The following TOX variants were observed in gnomAD, a reference collection of about 807,000 sequenced individuals.
The protein encoded by TOX is thymocyte selection associated high mobility group box, also known as thymocyte selection-associated high mobility group box protein TOX.
TOX carries 11 observed loss-of-function variants against 53.7 expected under a neutral mutation model. The ratio of observed to expected loss-of-function variants is 0.20; its 90% CI spans 0.13 to 0.34. TOX has a LOEUF of 0.34. TOX is among the 10% of genes least tolerant of loss of function. The pLI, the probability that TOX is intolerant of heterozygous loss-of-function variation, is 1.00. For synonymous variants in TOX, 225 were observed against 245.3 expected (o/e 0.92, Z 0.77); for missense variants, 570 against 664.6 (o/e 0.86, Z 1.56).
At chr8:58,951,904 C>T (rs1453215709) in intron 2 of TOX, among the ~76,000 whole-genome samples, 1 of 152,144 alleles carries the variant, frequency 6.6e-6, no homozygotes, top group African/African-American at 2.4e-5. Context: ...AATTTCAAAT[C>T]ATTAGGGTTA....
Position 58,891,815 on chromosome 8 carries a change from T to C in TOX, c.412-40010A>G, listed in dbSNP as rs567767242. 2.6e-5 allele frequency among the ~76,000 whole-genome samples: 4 copies of C among 152,332 alleles called. No homozygotes were observed. The East Asian group carries it at 5.8e-4, about 22-fold the overall frequency. ...CATGTGAGATTCATCCTAGATGCAGTGTAGCTGTTTCTGCTTTAGCACTCT... is the reference window on the plus strand; with the variant it reads ...CATGTGAGATTCATCCTAGATGCAGCGTAGCTGTTTCTGCTTTAGCACTCT... On this transcript the variant is annotated intron_variant, in intron 3 of 8. Coordinates refer to ENST00000361421, the MANE Select transcript of TOX (RefSeq NM_014729.3).
intron 7 of TOX, among the ~76,000 whole-genome samples, chr8:58,812,744 C>A (rs1249151001): frequency 6.6e-6 from 1 of 152,172 alleles, no homozygotes; most frequent in Non-Finnish European, 1.5e-5. Flanking sequence ...ACTCATCACT[C>A]AATTTCCAGA....
intron 3 of TOX, among the ~76,000 whole-genome samples, chr8:58,893,217 C>CA (rs1554527820): frequency 1.1e-4 from 16 of 151,934 alleles, no homozygotes; most frequent in African/African-American, 2.9e-4. Flanking sequence ...ATCTCCCCCC[C>CA]ACAAAACACA....
intron 2 of TOX, among the ~76,000 whole-genome samples, chr8:58,959,573 T>C (rs772506572): frequency 6.6e-6 from 1 of 152,240 alleles, no homozygotes; most frequent in Non-Finnish European, 1.5e-5. Flanking sequence ...CAACCATTGA[T>C]AATTAAAGCT....
At chr8:58,883,351 C>T (rs1811414168) in intron 3 of TOX, among the ~76,000 whole-genome samples, 1 of 152,200 alleles carries the variant, frequency 6.6e-6, no homozygotes, top group Non-Finnish European at 1.5e-5. Context: ...ATAGATCAAA[C>T]ATTTTTAAAT....
chr8:59,009,176 C>T (rs1170022209), intron 1 of TOX, among the ~76,000 whole-genome samples: 7 of 150,798 alleles, frequency 4.6e-5, no homozygotes, highest in Non-Finnish European at 1.0e-4. Flanking sequence ...TCCTTCATCT[C>T]TCCTTTCTTT....
intron 1 of TOX, among the ~76,000 whole-genome samples, chr8:58,979,929 A>G (rs1813170408): frequency 6.6e-6 from 1 of 152,214 alleles, no homozygotes; most frequent in Non-Finnish European, 1.5e-5. Flanking sequence ...TATAGTAAGC[A>G]CTCAACAAAT....
chr8:59,101,039 G>A (rs1804799138), intron 1 of TOX, among the ~76,000 whole-genome samples: 1 of 152,264 alleles, frequency 6.6e-6, no homozygotes, highest in South Asian at 2.1e-4. Flanking sequence ...TTGAGACAGG[G>A]CAAGGAATGC....
intron 6 of TOX, among the ~76,000 whole-genome samples, 182 bp downstream of exon 6, chr8:58,826,640 C>G (rs1434964584): frequency 6.6e-6 from 1 of 152,196 alleles, no homozygotes; most frequent in African/African-American, 2.4e-5. Flanking sequence ...GGATGCTGCT[C>G]TGGTCTTTTG....
chr8:58,846,280 C>T (rs757326860), intron 4 of TOX, among the ~76,000 whole-genome samples: 1 of 151,998 alleles, frequency 6.6e-6, no homozygotes, highest in Non-Finnish European at 1.5e-5. Context: ...TGATCTAATA[C>T]ATACTTTAAA....
chr8:58,823,380 T>G (rs1810312927), intron 6 of TOX, among the ~76,000 whole-genome samples: 1 of 152,078 alleles, frequency 6.6e-6, no homozygotes, highest in Admixed American at 6.5e-5. Context: ...CTCACTACTA[T>G]GCTCAGCTAA....
chr8:59,023,420 A>C (rs1244427109), intron 1 of TOX, among the ~76,000 whole-genome samples: 1 of 147,558 alleles, frequency 6.8e-6, no homozygotes, highest in African/African-American at 2.5e-5. Context: ...TTATCTGGTC[A>C]GTCTCTGAAT....
At chr8:58,856,652 G>T (rs565067585) in intron 3 of TOX, among the ~76,000 whole-genome samples, 1 of 152,058 alleles carries the variant, frequency 6.6e-6, no homozygotes, top group Non-Finnish European at 1.5e-5. Context: ...AGCTTCCTTT[G>T]CAGCTATGCA....
At position 58,838,144 on chromosome 8, in the gene TOX, G is replaced by A; in HGVS notation, c.861C>T (p.Thr287=). The change falls in exon 5 of 9, where the codon ACC becomes ACT. Residue 287 remains threonine (T), a synonymous_variant. Coordinates refer to ENST00000361421, the MANE Select transcript of TOX (RefSeq NM_014729.3). The part of the protein sequence containing the change: ...AAIKGQNPNA[T]FGEVSKIVAS... Reference sequence around the variant, plus strand: ...CCACAATTTTAGAGACTTCGCCAAAGGTAGCGTTTGGATTTTGGCCCTTGA... The same window carrying A: ...CCACAATTTTAGAGACTTCGCCAAAAGTAGCGTTTGGATTTTGGCCCTTGA... 1 of 1,614,192 alleles carries A rather than the reference G, an allele frequency of 6.2e-7. No homozygotes were observed. The highest frequency in any genetic ancestry group is 8.5e-7 in the Non-Finnish European group (1 of 1,180,008).
chr8:58,888,584 T>C (rs894246113), intron 3 of TOX, among the ~76,000 whole-genome samples: 1 of 151,704 alleles, frequency 6.6e-6, no homozygotes, highest in African/African-American at 2.4e-5. Context: ...AAAGTAAAAA[T>C]ACAAAATTCA....
intron 1 of TOX, among the ~76,000 whole-genome samples, chr8:59,024,601 T>G (rs1422844810): frequency 1.3e-5 from 2 of 152,172 alleles, no homozygotes; most frequent in Non-Finnish European, 2.9e-5. Context: ...CTCTTTATAA[T>G]TTGCTGCTGC....
intron 3 of TOX, among the ~76,000 whole-genome samples, chr8:58,914,167 G>A (rs1811960353): frequency 6.6e-6 from 1 of 152,210 alleles, no homozygotes. Context: ...AGTATGATGG[G>A]AAGAACCCAA....
chr8:58,924,641 A>G (rs138023151), intron 3 of TOX, among the ~76,000 whole-genome samples: 2 of 152,360 alleles, frequency 1.3e-5, no homozygotes, highest in East Asian at 3.9e-4. Context: ...ATAGGGGAGA[A>G]TCTACTATTT....
chr8:58,820,499 T>G (rs1392119562), intron 6 of TOX, among the ~76,000 whole-genome samples: 1 of 152,200 alleles, frequency 6.6e-6, no homozygotes, highest in African/African-American at 2.4e-5. Flanking sequence ...TGCCTTTATT[T>G]GGGATATTTG....
Sources: allele counts gnomAD v4.1 joint callset (sites outside exome capture counted in the v4.1 genomes callset), GRCh38; gene constraint gnomAD v4.1.1; transcripts MANE v1.5; gene names NCBI Gene and HGNC (gene_info 2026-07-23, HGNC 2026-07-21).